The following CPEB3 variants were observed in gnomAD, a reference collection of about 807,000 sequenced individuals.
CPEB3 encodes cytoplasmic polyadenylation element-binding protein 3.
CPEB3 carries 20 observed loss-of-function variants against 67.2 expected under a neutral mutation model. The observed-to-expected ratio is 0.30, with a 90% CI of 0.21 to 0.43. CPEB3 has a LOEUF of 0.43. Among genes scored for constraint, CPEB3 ranks in the 20% least tolerant of loss-of-function variants. The probability of loss-of-function intolerance (pLI) is 1.00; values close to 1 mark genes in which losing one functional copy is unlikely to be tolerated. For synonymous variants in CPEB3, 376 were observed against 393.1 expected (o/e 0.96, Z 0.51); for missense variants, 746 against 968.6 (o/e 0.77, Z 3.05).
chr10:92,260,106 G>C (rs911643430), intron 1 of CPEB3, among the ~76,000 whole-genome samples: 1 of 152,112 alleles, frequency 6.6e-6, no homozygotes, highest in East Asian at 1.9e-4. Context: ...TTGTTAAGAG[G>C]GCAAATTGTG....
chr10:92,160,478 T>G (rs1398629006), intron 4 of CPEB3, among the ~76,000 whole-genome samples: 3 of 152,198 alleles, frequency 2.0e-5, no homozygotes, highest in Admixed American at 2.0e-4. Flanking sequence ...TCAAAAAAGA[T>G]GAAATAAATT....
intron 4 of CPEB3, among the ~76,000 whole-genome samples, chr10:92,166,510 T>C (rs1847753695): frequency 6.6e-6 from 1 of 152,214 alleles, no homozygotes; most frequent in African/African-American, 2.4e-5. Context: ...GAAAACAACA[T>C]TACTGTCCGG....
chr10:92,254,358 A>C (rs72807274), intron 1 of CPEB3, among the ~76,000 whole-genome samples: 18,534 of 152,072 alleles, frequency 0.12, 1,354 homozygotes, highest in Middle Eastern at 0.21. Context: ...TTAAAAGCTA[A>C]GGCAATTTAC....
intron 6 of CPEB3, among the ~76,000 whole-genome samples, chr10:92,122,900 G>A (rs757022952): frequency 6.6e-6 from 1 of 152,206 alleles, no homozygotes; most frequent in African/African-American, 2.4e-5. Context: ...TACTGCCTAA[G>A]TGCACGGATT....
intron 3 of CPEB3, among the ~76,000 whole-genome samples, chr10:92,191,410 T>C (rs940135431): frequency 6.7e-6 from 1 of 149,020 alleles, no homozygotes; most frequent in Non-Finnish European, 1.5e-5. Flanking sequence ...AAATAAAAAA[T>C]AAAAAAAAAA....
chr10:92,150,121 T>G (rs999712161), intron 4 of CPEB3, among the ~76,000 whole-genome samples: 11 of 152,156 alleles, frequency 7.2e-5, no homozygotes, highest in African/African-American at 2.7e-4. Context: ...GCTTGTAGTA[T>G]TTACCCAGCG....
At chr10:92,187,403 T>C (rs930860527) in intron 3 of CPEB3, among the ~76,000 whole-genome samples, 3 of 152,238 alleles carry the variant, frequency 2.0e-5, no homozygotes, top group Non-Finnish European at 2.9e-5. Context: ...AAAAATGTTT[T>C]ACTAGGCACG....
intron 4 of CPEB3, among the ~76,000 whole-genome samples, chr10:92,165,272 A>G (rs1430025952): frequency 2.6e-5 from 4 of 152,272 alleles, no homozygotes; most frequent in African/African-American, 9.6e-5. Context: ...TGATCATGCC[A>G]CTGCACTCCA....
intron 7 of CPEB3, among the ~76,000 whole-genome samples, chr10:92,103,333 T>C (rs1844284679): frequency 6.6e-6 from 1 of 152,204 alleles, no homozygotes; most frequent in South Asian, 2.1e-4. Context: ...AAAAAGCACT[T>C]TTGAGCACTT....
At chr10:92,156,458 A>G (rs1194704094) in intron 4 of CPEB3, among the ~76,000 whole-genome samples, 2 of 152,230 alleles carry the variant, frequency 1.3e-5, no homozygotes, top group East Asian at 3.8e-4. Context: ...AAATAAAAAT[A>G]GCAGAAATGA....
At chr10:92,288,038 GT>G (rs1842616436) in intron 1 of CPEB3, among the ~76,000 whole-genome samples, 1 of 152,144 alleles carries the variant, frequency 6.6e-6, no homozygotes, top group African/African-American at 2.4e-5. Context: ...GTTCTTTCAT[GT>G]TATAGCATGT....
intron 1 of CPEB3, among the ~76,000 whole-genome samples, chr10:92,258,514 CT>C: frequency 6.6e-6 from 1 of 150,552 alleles, no homozygotes; most frequent in Non-Finnish European, 1.5e-5. Context: ...CTGGAGATTC[CT>C]TTTCAGATTA....
chr10:92,194,229 C>G (rs1356779270), intron 2 of CPEB3, among the ~76,000 whole-genome samples: 1 of 151,816 alleles, frequency 6.6e-6, no homozygotes, highest in East Asian at 2.0e-4. Context: ...ATCATGAGGT[C>G]AGGAGACTGA....
At chr10:92,112,936 C>T (rs931514022) in intron 6 of CPEB3, among the ~76,000 whole-genome samples, 4 of 152,236 alleles carry the variant, frequency 2.6e-5, no homozygotes, top group Non-Finnish European at 4.4e-5. Context: ...AAGCAAAGCT[C>T]TCTGGAGTCC....
intron 6 of CPEB3, among the ~76,000 whole-genome samples, chr10:92,123,348 G>A (rs1020907076): frequency 6.6e-6 from 1 of 151,178 alleles, no homozygotes; most frequent in African/African-American, 2.5e-5. Flanking sequence ...CAAACTCGTT[G>A]GGTAATTTTA....
At chr10:92,270,275 T>TG (rs1367206162) in intron 1 of CPEB3, among the ~76,000 whole-genome samples, 1 of 152,168 alleles carries the variant, frequency 6.6e-6, no homozygotes, top group Non-Finnish European at 1.5e-5. Context: ...ATGAAACCCC[T>TG]GGTTTAGGGG....
intron 1 of CPEB3, among the ~76,000 whole-genome samples, chr10:92,270,494 G>A (rs1437504176): frequency 6.6e-6 from 1 of 150,744 alleles, no homozygotes; most frequent in South Asian, 2.1e-4. Context: ...GTGGGTAGAA[G>A]AGAAAAAGAA....
intron 6 of CPEB3, among the ~76,000 whole-genome samples, chr10:92,116,958 G>A (rs937605340): frequency 6.6e-6 from 1 of 152,184 alleles, no homozygotes; most frequent in African/African-American, 2.4e-5. Context: ...GTTTGGGAAG[G>A]AACTTAATTA....
intron 8 of CPEB3, among the ~76,000 whole-genome samples, chr10:92,084,765 G>T (rs1343905284): frequency 6.6e-6 from 1 of 152,038 alleles, no homozygotes; most frequent in African/African-American, 2.4e-5. Context: ...ATTTTTAGTA[G>T]AGACTGGGTT....
Sources: gnomAD v4.1 joint callset for allele counts (sites outside exome capture counted in the v4.1 genomes callset) on GRCh38, gnomAD v4.1.1 for gene constraint, MANE v1.5 for transcripts, NCBI Gene and HGNC (gene_info 2026-07-23, HGNC 2026-07-21) for gene names.